The following NRG3 variants were observed in gnomAD, a reference collection of about 807,000 sequenced individuals.
The protein encoded by NRG3 is pro-neuregulin-3, membrane-bound isoform.
NRG3 carries 31 observed loss-of-function variants against 66.9 expected under a neutral mutation model. The observed-to-expected ratio is 0.46, with a 90% CI of 0.35 to 0.63. The LOEUF (loss-of-function observed/expected upper bound fraction) is 0.63. NRG3 is among the 20% of genes least tolerant of loss of function. The pLI is 0.00. For missense variants in NRG3, 910 were observed against 878.9 expected, an observed-to-expected ratio of 1.04 and a Z score of -0.45; for synonymous variants, 393 against 359.4, an observed-to-expected ratio of 1.09 and a Z score of -1.06.
intron 1 of NRG3, among the ~76,000 whole-genome samples, chr10:82,334,957 C>T (rs1489760783): frequency 6.6e-6 from 1 of 152,194 alleles, no homozygotes; most frequent in Non-Finnish European, 1.5e-5. Flanking sequence ...TTGTTACATA[C>T]ATTCATTTAT....
At chr10:82,621,656 TATC>T (rs1394268248) in intron 2 of NRG3, among the ~76,000 whole-genome samples, 4 of 152,142 alleles carry the variant, frequency 2.6e-5, no homozygotes, top group African/African-American at 9.7e-5. Flanking sequence ...ATAGTAAAAA[TATC>T]ATTTCATCTT....
At chr10:82,720,485 A>G (rs1483681727) in intron 2 of NRG3, among the ~76,000 whole-genome samples, 1 of 152,154 alleles carries the variant, frequency 6.6e-6, no homozygotes, top group Admixed American at 6.5e-5. Context: ...AAATAAACAT[A>G]AGTCTCCATT....
At chr10:82,899,736 T>C (rs1224954675) in intron 4 of NRG3, among the ~76,000 whole-genome samples, 1 of 152,176 alleles carries the variant, frequency 6.6e-6, no homozygotes, top group African/African-American at 2.4e-5. Flanking sequence ...ATTTGGGGAA[T>C]TGTCTGCGTA....
intron 2 of NRG3, among the ~76,000 whole-genome samples, chr10:82,443,034 T>C (rs938698548): frequency 7.2e-5 from 11 of 152,108 alleles, no homozygotes; most frequent in Middle Eastern, 3.2e-3. Flanking sequence ...CTTTGACTTT[T>C]ACATACCTCT....
intron 2 of NRG3, among the ~76,000 whole-genome samples, chr10:82,640,688 A>T (rs1020882022): frequency 6.6e-6 from 1 of 152,180 alleles, no homozygotes; most frequent in African/African-American, 2.4e-5. Flanking sequence ...TGCTAAATAT[A>T]ATTATTATTA....
intron 6 of NRG3, among the ~76,000 whole-genome samples, chr10:82,962,122 T>C (rs1011197568): frequency 7.9e-5 from 12 of 152,328 alleles, no homozygotes; most frequent in African/African-American, 2.9e-4. Context: ...CTGGAAACAC[T>C]TGACTCCAAG....
intron 1 of NRG3, among the ~76,000 whole-genome samples, chr10:82,328,985 A>T (rs907541742): frequency 6.6e-6 from 1 of 152,208 alleles, no homozygotes; most frequent in African/African-American, 2.4e-5. Flanking sequence ...AAGCAAGTTC[A>T]TGCCAACTAT....
chr10:82,423,188 C>T (rs966256974), intron 2 of NRG3, among the ~76,000 whole-genome samples: 1 of 151,752 alleles, frequency 6.6e-6, no homozygotes, highest in African/African-American at 2.4e-5. Context: ...AACTTAGTTT[C>T]AATGTAGCAT....
At chr10:82,129,553 A>T (rs576804040) in intron 1 of NRG3, among the ~76,000 whole-genome samples, 58 of 152,174 alleles carry the variant, frequency 3.8e-4, no homozygotes, top group Non-Finnish European at 6.3e-4. Flanking sequence ...TTGTTTTATG[A>T]ACATTTCAAT....
In NRG3 at chr10:82,296,706, ATTG is replaced by A. The variant is rs200273879; in HGVS notation, c.824-62027_824-62025del. On this transcript the variant is annotated intron_variant, in intron 1 of 8. Transcript: ENST00000372141. ...CTAGCTGTTTTCAAATATACAATACATTGTTGTTAACTACAGTCATCATATTGT... is the reference window on the plus strand; with the variant it reads ...CTAGCTGTTTTCAAATATACAATACATTGTTAACTACAGTCATCATATTGT... 8.2e-3 allele frequency among the ~76,000 whole-genome samples: 1,249 copies of A among 151,790 alleles called. 14 individuals are homozygous for A. The highest frequency in any genetic ancestry group is 0.025 in the African/African-American group (1,034 of 41,380).
chr10:82,348,916 C>T (rs1288109968), intron 1 of NRG3, among the ~76,000 whole-genome samples: 4 of 147,420 alleles, frequency 2.7e-5, no homozygotes, highest in Admixed American at 6.8e-5. Flanking sequence ...TTTTCAGCTC[C>T]ATCAGCTCCT....
chr10:82,386,956 C>A (rs187947077), intron 2 of NRG3, among the ~76,000 whole-genome samples: 1 of 152,170 alleles, frequency 6.6e-6, no homozygotes, highest in East Asian at 1.9e-4. Flanking sequence ...CACAGTAACA[C>A]GCCCAGCTAA....
chr10:82,721,897 A>G (rs2057342465), intron 2 of NRG3, among the ~76,000 whole-genome samples: 2 of 151,928 alleles, frequency 1.3e-5, no homozygotes, highest in South Asian at 2.1e-4. Context: ...ATCTTGCCCA[A>G]GCTAGTGACT....
chr10:81,916,143 G>A (rs560571018), intron 1 of NRG3, among the ~76,000 whole-genome samples: 3 of 151,968 alleles, frequency 2.0e-5, no homozygotes, highest in Admixed American at 6.6e-5. Context: ...GTCTCAGTTC[G>A]GACTAGCCAT....
intron 3 of NRG3, among the ~76,000 whole-genome samples, chr10:82,846,214 C>A (rs985452150): frequency 6.6e-6 from 1 of 152,078 alleles, no homozygotes; most frequent in East Asian, 1.9e-4. Flanking sequence ...AGAACACTCA[C>A]GAGGCTTTTT....
chr10:82,178,586 A>T (rs771853839), intron 1 of NRG3, among the ~76,000 whole-genome samples: 2 of 152,176 alleles, frequency 1.3e-5, no homozygotes, highest in Admixed American at 6.5e-5. Flanking sequence ...ATAGTATTTT[A>T]TTGTATGTAT....
At chr10:82,395,043 T>C (rs2086630636) in intron 2 of NRG3, among the ~76,000 whole-genome samples, 1 of 152,142 alleles carries the variant, frequency 6.6e-6, no homozygotes, top group Non-Finnish European at 1.5e-5. Flanking sequence ...CTGCAGATAA[T>C]TGGAAGTAGA....
intron 2 of NRG3, among the ~76,000 whole-genome samples, chr10:82,587,524 C>T (rs2046742932): frequency 6.6e-6 from 1 of 152,166 alleles, no homozygotes; most frequent in Non-Finnish European, 1.5e-5. Flanking sequence ...TCTGTAGTCT[C>T]TTAGAAATTC....
At chr10:82,134,208 G>C (rs1185971278) in intron 1 of NRG3, among the ~76,000 whole-genome samples, 7 of 152,142 alleles carry the variant, frequency 4.6e-5, no homozygotes, top group Admixed American at 3.9e-4. Flanking sequence ...CATTCTGTAA[G>C]TTGTCTTGTT....
Sources: gnomAD v4.1 joint callset for allele counts (sites outside exome capture counted in the v4.1 genomes callset) on GRCh38, gnomAD v4.1.1 for gene constraint, MANE v1.5 for transcripts, NCBI Gene and HGNC (gene_info 2026-07-23, HGNC 2026-07-21) for gene names.